The following MGST2 variants were observed in gnomAD, a reference collection of about 807,000 sequenced individuals.
The protein encoded by MGST2 is glutathione peroxidase MGST2.
Under a neutral mutation model 16.6 loss-of-function variants are expected in MGST2, and 9 were observed. The ratio of observed to expected loss-of-function variants is 0.54; its 90% CI spans 0.33 to 0.95. MGST2 has a LOEUF of 0.95. MGST2 is among the 40% of genes least tolerant of loss of function. The pLI, the probability that MGST2 is intolerant of heterozygous loss-of-function variation, is 0.03. For missense variants in MGST2, 159 were observed against 175.1 expected (o/e 0.91, Z 0.52); for synonymous variants, 79 against 68.0 (o/e 1.16, Z -0.79).
intron 5 of MGST2, among the ~76,000 whole-genome samples, chr4:139,726,459 T>C (rs1266031541): frequency 6.6e-6 from 1 of 152,208 alleles, no homozygotes; most frequent in African/African-American, 2.4e-5. Context: ...TGCTGGCTCA[T>C]GAGGAATGCG....
intron 5 of MGST2, among the ~76,000 whole-genome samples, chr4:139,721,879 T>C (rs1728248994): frequency 6.6e-6 from 1 of 152,222 alleles, no homozygotes; most frequent in South Asian, 2.1e-4. Context: ...TGCAGTTTTG[T>C]GACCTTAACG....
At chr4:139,678,832 G>A in intron 2 of MGST2, 190 bp downstream of exon 2, 1 of 630,928 alleles carries the variant, frequency 1.6e-6, no homozygotes, top group South Asian at 1.8e-5. Flanking sequence ...TGAAGTCTCT[G>A]CCCACATCTA....
chr4:139,741,324 C>A (rs909563868), downstream of MGST2, among the ~76,000 whole-genome samples: 1 of 152,182 alleles, frequency 6.6e-6, no homozygotes, highest in Non-Finnish European at 1.5e-5. Context: ...CATAAGACCA[C>A]CTGACCCTGG....
At chr4:139,708,059 A>G (rs1157928467), downstream of MGST2, among the ~76,000 whole-genome samples, 1 of 152,164 alleles carries the variant, frequency 6.6e-6, no homozygotes, top group East Asian at 1.9e-4. Context: ...TCTTGAGTTT[A>G]ATTAGATCCC....
At chr4:139,704,848 G>A (rs1257083019), downstream of MGST2, among the ~76,000 whole-genome samples, 1 of 152,134 alleles carries the variant, frequency 6.6e-6, no homozygotes, top group Non-Finnish European at 1.5e-5. Context: ...TGTGAACCTG[G>A]GAGGCGGAGC....
intron 2 of MGST2, among the ~76,000 whole-genome samples, chr4:139,687,313 C>A (rs1731616208): frequency 6.6e-6 from 1 of 152,224 alleles, no homozygotes; most frequent in Non-Finnish European, 1.5e-5. Context: ...ATTTTCCCAG[C>A]CCTAGCCCAA....
chr4:139,688,670 A>G (rs1444507709), intron 2 of MGST2, among the ~76,000 whole-genome samples: 3 of 152,256 alleles, frequency 2.0e-5, no homozygotes, highest in East Asian at 1.9e-4. Flanking sequence ...TTGTGCAACT[A>G]TAAGATTACA....
chr4:139,690,063 C>T (rs75104021), intron 2 of MGST2, among the ~76,000 whole-genome samples: 8 of 152,000 alleles, frequency 5.3e-5, no homozygotes, highest in Admixed American at 5.2e-4. Context: ...GCGATCTTGG[C>T]TCACTGCAGC....
At chr4:139,683,070 G>T (rs1438527648) in intron 2 of MGST2, among the ~76,000 whole-genome samples, 1 of 152,150 alleles carries the variant, frequency 6.6e-6, no homozygotes, top group Non-Finnish European at 1.5e-5. Context: ...GTTTGGAAAG[G>T]GCAGGCAAGC....
At chr4:139,681,457 A>G (rs959808727) in intron 2 of MGST2, among the ~76,000 whole-genome samples, 6 of 151,958 alleles carry the variant, frequency 3.9e-5, no homozygotes, top group Admixed American at 1.3e-4. Context: ...TCAGGTTTTC[A>G]TAATTTTGGA....
intron 2 of MGST2, among the ~76,000 whole-genome samples, chr4:139,682,799 C>T (rs536625018): frequency 6.6e-6 from 1 of 151,498 alleles, no homozygotes; most frequent in African/African-American, 2.4e-5. Flanking sequence ...TGTCACATGG[C>T]CAGGAAAGAT....
At chr4:139,704,784 T>C (rs187640402), downstream of MGST2, among the ~76,000 whole-genome samples, 924 of 152,078 alleles carry the variant, frequency 6.1e-3, 8 homozygotes, top group South Asian at 0.017. Flanking sequence ...TAGCCGGGCA[T>C]GGTGGCGGGT....
intron 2 of MGST2, among the ~76,000 whole-genome samples, chr4:139,694,186 T>C (rs1263215322): frequency 4.6e-5 from 7 of 151,070 alleles, no homozygotes; most frequent in Non-Finnish European, 7.4e-5. Context: ...AATTATGCTT[T>C]TTTTTTTTTT....
intron 5 of MGST2, among the ~76,000 whole-genome samples, chr4:139,724,314 T>C (rs1372800787): frequency 6.6e-6 from 1 of 152,234 alleles, no homozygotes; most frequent in Non-Finnish European, 1.5e-5. Flanking sequence ...ATCTAGGATA[T>C]ATACATGTGG....
downstream of MGST2, among the ~76,000 whole-genome samples, chr4:139,707,092 G>A (rs1727548372): frequency 6.6e-6 from 1 of 151,786 alleles, no homozygotes; most frequent in Non-Finnish European, 1.5e-5. Context: ...GGGTACATGT[G>A]CACAATGTGC....
chr4:139,744,432 G>A (rs1047633717), downstream of MGST2, among the ~76,000 whole-genome samples: 1 of 152,186 alleles, frequency 6.6e-6, no homozygotes, highest in Non-Finnish European at 1.5e-5. Flanking sequence ...ATGGGTTGTG[G>A]TTATAGCTTT....
At chr4:139,719,829 T>C (rs755203108) in intron 5 of MGST2, 6 of 1,613,508 alleles carry the variant, frequency 3.7e-6, no homozygotes, top group African/African-American at 1.3e-5. Context: ...CTCCCAGGCA[T>C]GCCCTGCAAG....
At chr4:139,693,557 G>A (rs4147590) in intron 2 of MGST2, among the ~76,000 whole-genome samples, 47,580 of 152,036 alleles carry the variant, frequency 0.31, 9,999 homozygotes, top group African/African-American at 0.6. Flanking sequence ...TTGCATAGCC[G>A]TAATATAAAG....
At chr4:139,742,155 T>C (rs1307233983), downstream of MGST2, among the ~76,000 whole-genome samples, 20 of 150,454 alleles carry the variant, frequency 1.3e-4, no homozygotes, top group South Asian at 6.3e-4. Context: ...TTTTCTTTTT[T>C]TTTTTTTTTT....
Sources: gnomAD v4.1 joint callset for allele counts (sites outside exome capture counted in the v4.1 genomes callset) on GRCh38, gnomAD v4.1.1 for gene constraint, MANE v1.5 for transcripts, NCBI Gene and HGNC (gene_info 2026-07-23, HGNC 2026-07-21) for gene names.